AGBL4: variants seen among roughly 807,000 people sequenced by gnomAD.
AGBL4 encodes AGBL carboxypeptidase 4, also known as cytosolic carboxypeptidase 6.
In AGBL4, 58 loss-of-function variants were observed where a neutral mutation model predicts 66.4. The observed-to-expected ratio is 0.87, with a 90% confidence interval of 0.71 to 1.09. The LOEUF is 1.09. Ranked by LOEUF, AGBL4 falls within the 50% of genes least tolerant of loss-of-function variation. AGBL4 has a pLI of 0.00. For missense variants in AGBL4, 579 were observed against 631.0 expected, an observed-to-expected ratio of 0.92 and a Z score of 0.88; for synonymous variants, 234 against 222.9, an observed-to-expected ratio of 1.05 and a Z score of -0.44.
intron 3 of AGBL4, among the ~76,000 whole-genome samples, chr1:49,525,320 G>C (rs1238070511): frequency 1.3e-5 from 2 of 152,002 alleles, no homozygotes; most frequent in East Asian, 1.9e-4. Context: ...ACCTGCTGTA[G>C]AGTGAGTGGT....
Position 48,736,665 on chromosome 1 carries a change from T to G in AGBL4, c.635-73424A>C, listed in dbSNP as rs1388150914. Among the ~76,000 whole-genome samples the G allele has an allele frequency of 6.6e-6, 1 of 152,224 alleles. No homozygotes were observed. The highest frequency in any genetic ancestry group is 1.5e-5 in the Non-Finnish European group (1 of 68,032). On this transcript the variant is annotated intron_variant, in intron 6 of 13. Transcript: ENST00000371839. This position sits in a 1 kb window ranked among gnomAD's most constrained non-coding sequence, Gnocchi z 4.0. ...TTCTAGGGCTTTATATTTGCTATCT[T>G]AAATCTTCATGGCAATTGTGGATAG...
At chr1:48,623,188 A>G (rs192445142) in intron 9 of AGBL4, among the ~76,000 whole-genome samples, 3 of 152,330 alleles carry the variant, frequency 2.0e-5, no homozygotes, top group African/African-American at 7.2e-5. Flanking sequence ...GGAAATCTTT[A>G]ATGGGTAAAT....
intron 3 of AGBL4, among the ~76,000 whole-genome samples, chr1:49,513,278 A>C (rs1649443802): frequency 6.6e-6 from 1 of 151,996 alleles, no homozygotes; most frequent in South Asian, 2.1e-4. Context: ...TCTTTTTAAA[A>C]TTTCCAACTT....
intron 8 of AGBL4, among the ~76,000 whole-genome samples, chr1:48,638,348 T>C (rs1414322099): frequency 6.6e-6 from 1 of 152,220 alleles, no homozygotes; most frequent in Admixed American, 6.5e-5. Flanking sequence ...CTGTGTGATC[T>C]TTTTTAAATT....
intron 3 of AGBL4, among the ~76,000 whole-genome samples, chr1:49,476,710 A>T (rs551206341): frequency 6.6e-6 from 1 of 152,148 alleles, no homozygotes; most frequent in South Asian, 2.1e-4. Flanking sequence ...TGTTTTATGT[A>T]ATATAAGAAT....
chr1:48,814,031 T>C (rs528970017), intron 6 of AGBL4, among the ~76,000 whole-genome samples: 1 of 152,258 alleles, frequency 6.6e-6, no homozygotes, highest in African/African-American at 2.4e-5. Flanking sequence ...GAGAATTGGC[T>C]GAGATGAGGT....
At chr1:48,973,678 C>T (rs890187827) in intron 5 of AGBL4, among the ~76,000 whole-genome samples, 2 of 152,066 alleles carry the variant, frequency 1.3e-5, no homozygotes, top group African/African-American at 2.4e-5. Flanking sequence ...TTAAGGCAGC[C>T]GAAGTACTTC....
intron 6 of AGBL4, among the ~76,000 whole-genome samples, chr1:48,716,610 G>C (rs1413544424): frequency 6.6e-6 from 1 of 152,294 alleles, no homozygotes; most frequent in Middle Eastern, 3.4e-3. Flanking sequence ...GAAGGAACAG[G>C]CTTCTTCTCG....
chr1:49,977,940 C>T (rs1658710898), intron 1 of AGBL4, among the ~76,000 whole-genome samples: 1 of 152,170 alleles, frequency 6.6e-6, no homozygotes, highest in African/African-American at 2.4e-5. Flanking sequence ...TTTTCTCTTT[C>T]TGCATATTCT....
chr1:48,814,065 C>T (rs1172296092), intron 6 of AGBL4, among the ~76,000 whole-genome samples: 1 of 151,980 alleles, frequency 6.6e-6, no homozygotes, highest in Admixed American at 6.6e-5. Flanking sequence ...TTTTGAATCC[C>T]CTGGCAAAAT....
At chr1:49,471,130 A>G (rs1395128622) in intron 3 of AGBL4, among the ~76,000 whole-genome samples, 1 of 152,056 alleles carries the variant, frequency 6.6e-6, no homozygotes, top group Non-Finnish European at 1.5e-5. Context: ...CAAGGAATAC[A>G]CATAACAATC....
intron 2 of AGBL4, among the ~76,000 whole-genome samples, chr1:49,775,718 G>T: frequency 6.6e-6 from 1 of 151,920 alleles, no homozygotes; most frequent in Non-Finnish European, 1.5e-5. Flanking sequence ...CTTTATCAGT[G>T]TCTTATACAT....
chr1:49,482,649 A>G (rs1351917869), intron 3 of AGBL4, among the ~76,000 whole-genome samples: 3 of 150,968 alleles, frequency 2.0e-5, no homozygotes, highest in Non-Finnish European at 4.4e-5. Context: ...GATTTTGGTT[A>G]TTTCCTGTTC....
intron 1 of AGBL4, among the ~76,000 whole-genome samples, chr1:49,916,126 G>C (rs535735107): frequency 6.6e-6 from 1 of 152,146 alleles, no homozygotes; most frequent in South Asian, 2.1e-4. Context: ...AAACCACAAA[G>C]ATGGGGAAAA....
At chr1:49,395,533 A>AGTGTGT (rs149386987) in intron 3 of AGBL4, among the ~76,000 whole-genome samples, 2,823 of 139,350 alleles carry the variant, frequency 0.02, 80 homozygotes, top group African/African-American at 0.064. Flanking sequence ...GCCAAACACT[A>AGTGTGT]GTGTGTGTGT....
intron 3 of AGBL4, among the ~76,000 whole-genome samples, chr1:49,451,992 C>G (rs1041875661): frequency 5.9e-5 from 9 of 151,906 alleles, no homozygotes; most frequent in Admixed American, 1.3e-4. Flanking sequence ...ATCACATCCT[C>G]TTTTTTTCTC....
At chr1:48,673,738 C>T (rs914401305) in intron 6 of AGBL4, among the ~76,000 whole-genome samples, 1 of 152,174 alleles carries the variant, frequency 6.6e-6, no homozygotes, top group African/African-American at 2.4e-5. Context: ...ATGGCGACAG[C>T]CAAGGAAGGC....
chr1:49,680,583 C>T (rs1646673827), intron 3 of AGBL4, among the ~76,000 whole-genome samples: 1 of 151,912 alleles, frequency 6.6e-6, no homozygotes, highest in Admixed American at 6.6e-5. Flanking sequence ...TATTATAAAG[C>T]CTCTATCTTT....
At chr1:48,660,559 C>T (rs1179576929) in intron 7 of AGBL4, among the ~76,000 whole-genome samples, 1 of 152,190 alleles carries the variant, frequency 6.6e-6, no homozygotes, top group African/African-American at 2.4e-5. Flanking sequence ...ATCGGGCTGT[C>T]TACATGTAGC....
Sources: allele counts gnomAD v4.1 joint callset (sites outside exome capture counted in the v4.1 genomes callset), GRCh38; gene constraint gnomAD v4.1.1; non-coding constraint Gnocchi (gnomAD v3.1); transcripts MANE v1.5; gene names NCBI Gene and HGNC (gene_info 2026-07-23, HGNC 2026-07-21).